EFL1: variants seen among roughly 807,000 people sequenced by gnomAD.
EFL1 encodes the protein elongation factor like GTPase 1.
A neutral mutation model predicts 126.7 loss-of-function variants in EFL1; 76 were observed. That is an observed-to-expected ratio of 0.60 (90% CI 0.50 to 0.73). EFL1 has a LOEUF of 0.73. EFL1 is among the 30% of genes least tolerant of loss of function. The pLI is 0.00. For synonymous variants in EFL1, 410 were observed against 448.4 expected, an observed-to-expected ratio of 0.91 and a Z score of 1.08; for missense variants, 1,128 against 1,343.2, an observed-to-expected ratio of 0.84 and a Z score of 2.50.
chr15:82,142,163 T>C (rs1015174785), intron 18 of EFL1, among the ~76,000 whole-genome samples: 4 of 152,210 alleles, frequency 2.6e-5, no homozygotes, highest in African/African-American at 9.7e-5. Context: ...CCCTTTCCAC[T>C]GGATATCTGT....
chr15:82,179,345 T>C (rs1476397188), intron 15 of EFL1, among the ~76,000 whole-genome samples: 1 of 152,196 alleles, frequency 6.6e-6, no homozygotes, highest in Non-Finnish European at 1.5e-5. Flanking sequence ...ACATGAATTT[T>C]TTTTTAAAGC....
intron 16 of EFL1, among the ~76,000 whole-genome samples, chr15:82,160,294 T>A (rs1036101183): frequency 3.9e-5 from 6 of 152,202 alleles, no homozygotes; most frequent in Non-Finnish European, 8.8e-5. Flanking sequence ...CAGTTAAACC[T>A]TCAGATGGCT....
intron 12 of EFL1, among the ~76,000 whole-genome samples, chr15:82,220,916 T>C (rs2074705044): frequency 6.6e-6 from 1 of 152,256 alleles, no homozygotes; most frequent in African/African-American, 2.4e-5. Context: ...ATACAAATTC[T>C]GTTTGGGAGT....
intron 7 of EFL1, among the ~76,000 whole-genome samples, chr15:82,232,301 A>C (rs1163327963): frequency 6.6e-6 from 1 of 152,230 alleles, no homozygotes; most frequent in African/African-American, 2.4e-5. Flanking sequence ...AAAACCAGAG[A>C]TAATGACTGA....
At chr15:82,165,159 C>T (rs992125789) in intron 15 of EFL1, among the ~76,000 whole-genome samples, 1 of 151,954 alleles carries the variant, frequency 6.6e-6, no homozygotes, top group African/African-American at 2.4e-5. Context: ...GTCCCAGGTA[C>T]TTGAGAGGTT....
intron 15 of EFL1, among the ~76,000 whole-genome samples, chr15:82,205,261 C>A (rs545813088): frequency 6.6e-6 from 1 of 152,280 alleles, no homozygotes; most frequent in African/African-American, 2.4e-5. Flanking sequence ...CCACTTCTTC[C>A]CAGAACCTCA....
intron 3 of EFL1, among the ~76,000 whole-genome samples, chr15:82,258,311 C>T (rs1236018996): frequency 2.6e-5 from 4 of 152,166 alleles, no homozygotes; most frequent in African/African-American, 7.2e-5. Context: ...GTAATTCCAG[C>T]ACTTTGGGAA....
At chr15:82,255,090 ATTTCCAAATTAT>A in intron 3 of EFL1, among the ~76,000 whole-genome samples, 1 of 152,212 alleles carries the variant, frequency 6.6e-6, no homozygotes, top group Non-Finnish European at 1.5e-5. Context: ...CTAACTTGAT[ATTTCCAAATTAT>A]TTTCCAAATT....
At chr15:82,170,968 T>G (rs2074129392) in intron 15 of EFL1, among the ~76,000 whole-genome samples, 1 of 152,248 alleles carries the variant, frequency 6.6e-6, no homozygotes, top group South Asian at 2.1e-4. Flanking sequence ...TTAGTATAGT[T>G]GAAAACAATG....
intron 8 of EFL1, among the ~76,000 whole-genome samples, chr15:82,229,813 G>C (rs371944157): frequency 1.3e-5 from 2 of 152,288 alleles, no homozygotes; most frequent in South Asian, 2.1e-4. Context: ...AATCTTAAGA[G>C]AATGATTCAT....
intron 2 of EFL1, among the ~76,000 whole-genome samples, chr15:82,261,485 A>G (rs2075117151): frequency 6.6e-6 from 1 of 152,234 alleles, no homozygotes; most frequent in Non-Finnish European, 1.5e-5. Flanking sequence ...ATATAGAAGA[A>G]TGCTACTCAC....
chr15:82,246,038 C>T (rs1567077940), intron 4 of EFL1, among the ~76,000 whole-genome samples: 2 of 151,968 alleles, frequency 1.3e-5, no homozygotes, highest in Admixed American at 6.5e-5. Flanking sequence ...TGCACAAACC[C>T]GACCCGAAGA....
At chr15:82,215,241 C>A (rs999287261) in intron 14 of EFL1, among the ~76,000 whole-genome samples, 1 of 152,078 alleles carries the variant, frequency 6.6e-6, no homozygotes, top group Non-Finnish European at 1.5e-5. Context: ...TACTATTATC[C>A]TTTCAAGTTG....
intron 19 of EFL1, among the ~76,000 whole-genome samples, chr15:82,133,859 G>A (rs1161405321): frequency 6.6e-6 from 1 of 152,178 alleles, no homozygotes; most frequent in African/African-American, 2.4e-5. Context: ...CAATGAGCGA[G>A]AAGAACCAAG....
intron 4 of EFL1, among the ~76,000 whole-genome samples, chr15:82,248,395 G>A (rs1159786674): frequency 1.3e-5 from 2 of 152,146 alleles, no homozygotes; most frequent in African/African-American, 4.8e-5. Context: ...CTCTGAATAA[G>A]AGATGACTTT....
chr15:82,259,186 A>G (rs200628755), intron 2 of EFL1, 31 bp from the exon 3 acceptor site: 23 of 1,594,046 alleles, frequency 1.4e-5, no homozygotes, highest in African/African-American at 6.7e-5. Context: ...ATTCAAATCT[A>G]TATCTTTTTT....
In EFL1 at chr15:82,177,207, T is replaced by C. The variant is rs111687685; in HGVS notation, c.1751-13223A>G. 5.5e-4 allele frequency among the ~76,000 whole-genome samples: 84 copies of C among 152,370 alleles called. 1 individual carries two copies. Among genetic ancestry groups the C allele is most frequent in the African/African-American group, 1.9e-3 (81 of 41,590 alleles). On this transcript the variant is annotated intron_variant, in intron 15 of 19. Transcript: ENST00000268206. ...TGCATTTAAGATTTGCATACTTTTCTATGTGCATCTTATGCATCAATAAGT... is the reference window on the plus strand; with the variant it reads ...TGCATTTAAGATTTGCATACTTTTCCATGTGCATCTTATGCATCAATAAGT...
chr15:82,168,805 T>C (rs1031464124), intron 15 of EFL1, among the ~76,000 whole-genome samples: 1 of 152,194 alleles, frequency 6.6e-6, no homozygotes. Flanking sequence ...TAATAATAGT[T>C]CTTACACATA....
At chr15:82,166,669 A>G (rs1445704192) in intron 15 of EFL1, among the ~76,000 whole-genome samples, 2 of 152,218 alleles carry the variant, frequency 1.3e-5, no homozygotes, top group African/African-American at 4.8e-5. Flanking sequence ...TAAAAATAAC[A>G]TCAGCAAGTA....
Sources: allele counts gnomAD v4.1 joint callset (sites outside exome capture counted in the v4.1 genomes callset), GRCh38; gene constraint gnomAD v4.1.1; transcripts MANE v1.5; gene names NCBI Gene and HGNC (gene_info 2026-07-23, HGNC 2026-07-21).